Variants in DLGAP1 observed in about 807,000 individuals in gnomAD.
DLGAP1 encodes the protein DLG associated protein 1, also known as disks large-associated protein 1.
DLGAP1 carries 11 observed loss-of-function variants against 90.8 expected under a neutral mutation model. That is an observed-to-expected ratio of 0.12 (90% CI 0.08 to 0.20). The LOEUF is 0.20. Among genes scored for constraint, DLGAP1 ranks in the 10% least tolerant of loss-of-function variants. The probability of loss-of-function intolerance (pLI) is 1.00; values close to 1 mark genes in which losing one functional copy is unlikely to be tolerated. For synonymous variants in DLGAP1, 558 were observed against 540.7 expected, an observed-to-expected ratio of 1.03 and a Z score of -0.44; for missense variants, 1,050 against 1,333.8, an observed-to-expected ratio of 0.79 and a Z score of 3.31.
intron 7 of DLGAP1, among the ~76,000 whole-genome samples, chr18:3,617,787 C>G (rs535677820): frequency 4.6e-5 from 7 of 152,008 alleles, no homozygotes; most frequent in African/African-American, 1.5e-4. Context: ...GTAATCCCAG[C>G]ACTTTGGGAG....
rs1045632569 is a variant in DLGAP1 at position 4,439,946 on chromosome 18, G to A, written c.-267+15060C>T. On this transcript the variant is annotated intron_variant, in intron 1 of 12. Transcript: ENST00000315677. ...ATCCTGGCTAACACGGTGAAACCCC[G>A]TAGCTCTACTAAAAATACAAAAAAT... Among the ~76,000 whole-genome samples the A allele has an allele frequency of 1.1e-4, 16 of 151,598 alleles. 1 individual carries two copies. The highest frequency in any genetic ancestry group is 9.2e-4 in the Admixed American group (14 of 15,196).
In DLGAP1 at chr18:4,413,378, G is replaced by C. The variant is rs896273692; in HGVS notation, c.-267+41628C>G. Among the ~76,000 whole-genome samples the C allele has an allele frequency of 2.6e-5, 4 of 152,276 alleles. No homozygotes were observed. In the East Asian group the frequency reaches 7.7e-4, roughly 29 times the overall value. On this transcript the variant is annotated intron_variant, in intron 1 of 12. Coordinates refer to ENST00000315677, the MANE Select transcript of DLGAP1 (RefSeq NM_004746.4). The stretch of plus-strand genomic sequence containing the variant: ...TGCACCTCCTCCATCCCCTCTCCAA[G>C]AGAGAGATGGTCAAGGCCTGGCCCC...
At chr18:4,239,612 T>C (rs1355911030) in intron 1 of DLGAP1, among the ~76,000 whole-genome samples, 1 of 152,170 alleles carries the variant, frequency 6.6e-6, no homozygotes, top group African/African-American at 2.4e-5. Context: ...CCCACATTCA[T>C]GTGATATTCA....
intron 2 of DLGAP1, among the ~76,000 whole-genome samples, chr18:4,110,559 T>G (rs1176452668): frequency 6.6e-6 from 1 of 152,184 alleles, no homozygotes; most frequent in South Asian, 2.1e-4. Flanking sequence ...CAGGTCCCCA[T>G]AGTTTACTTT....
chr18:3,926,401 CATAT>C (rs35464708), intron 3 of DLGAP1, among the ~76,000 whole-genome samples: 4,556 of 145,658 alleles, frequency 0.031, 96 homozygotes, highest in South Asian at 0.081. Flanking sequence ...AAGCAAATGA[CATAT>C]ATATATATAT....
chr18:3,840,485 T>C (rs1262803027), intron 4 of DLGAP1, among the ~76,000 whole-genome samples: 3 of 152,216 alleles, frequency 2.0e-5, no homozygotes, highest in South Asian at 2.1e-4. Context: ...AGTCTCCCTC[T>C]GCTTCCTTCT....
At chr18:3,795,654 T>C (rs931169829) in intron 5 of DLGAP1, among the ~76,000 whole-genome samples, 18 of 152,158 alleles carry the variant, frequency 1.2e-4, no homozygotes, top group Non-Finnish European at 2.4e-4. Flanking sequence ...TTTATTTGTT[T>C]GTTTATTTTT....
chr18:3,540,469 C>CAAAAAAAAAAAAA (rs60740209), intron 9 of DLGAP1, among the ~76,000 whole-genome samples: 6 of 58,020 alleles, frequency 1.0e-4, no homozygotes, highest in African/African-American at 3.4e-4. Context: ...GGCCCTGTGT[C>CAAAAAAAAAAAAA]AAAAAAAAAA....
chr18:4,405,687 C>G (rs1025656020), intron 1 of DLGAP1, among the ~76,000 whole-genome samples: 2 of 152,100 alleles, frequency 1.3e-5, no homozygotes, highest in Non-Finnish European at 2.9e-5. Flanking sequence ...TGTTTCTCAC[C>G]TAACTGACTT....
At chr18:3,669,793 C>A (rs1180632485) in intron 7 of DLGAP1, among the ~76,000 whole-genome samples, 2 of 152,170 alleles carry the variant, frequency 1.3e-5, no homozygotes, top group Admixed American at 6.5e-5. Flanking sequence ...AAGGCAAGAA[C>A]CCGGATACAG....
chr18:4,401,273 G>A (rs2082548714), intron 1 of DLGAP1, among the ~76,000 whole-genome samples: 1 of 152,142 alleles, frequency 6.6e-6, no homozygotes, highest in Non-Finnish European at 1.5e-5. Context: ...CACAGACCCT[G>A]GTTGGATGAA....
At chr18:4,197,188 TAAAAAAAAAA>T (rs532844849) in intron 1 of DLGAP1, among the ~76,000 whole-genome samples, 2 of 73,750 alleles carry the variant, frequency 2.7e-5, no homozygotes, top group African/African-American at 1.0e-4. Flanking sequence ...TAAAAAAAAG[TAAAAAAAAAA>T]AAAAAAAAAA....
At chr18:3,742,659 A>G in intron 5 of DLGAP1, 147 bp from the exon 6 acceptor site, 1 of 909,422 alleles carries the variant, frequency 1.1e-6, no homozygotes. Flanking sequence ...ACTCCCCCAC[A>G]GTGTCTCAGA....
intron 9 of DLGAP1, among the ~76,000 whole-genome samples, chr18:3,560,626 T>G (rs1285614716): frequency 2.0e-5 from 3 of 149,612 alleles, no homozygotes; most frequent in African/African-American, 7.6e-5. Flanking sequence ...TATGTAAAAT[T>G]AAATGAGCAC....
At chr18:4,285,064 T>C (rs2079653428) in intron 1 of DLGAP1, among the ~76,000 whole-genome samples, 1 of 135,486 alleles carries the variant, frequency 7.4e-6, no homozygotes, top group South Asian at 2.8e-4. Flanking sequence ...GATAAAGTAA[T>C]AATTTCTACT....
intron 3 of DLGAP1, among the ~76,000 whole-genome samples, chr18:3,998,541 G>C (rs1005966828): frequency 6.6e-6 from 1 of 152,102 alleles, no homozygotes; most frequent in Admixed American, 6.6e-5. Context: ...AAAATGGTAT[G>C]TAGAGAACAT....
chr18:3,513,503 CATA>C (rs1290490327), intron 10 of DLGAP1, among the ~76,000 whole-genome samples: 5 of 152,142 alleles, frequency 3.3e-5, no homozygotes, highest in Admixed American at 2.6e-4. Flanking sequence ...GGGTGAGTGG[CATA>C]ATAAGTCAGT....
chr18:3,810,540 A>G (rs2066780549), intron 5 of DLGAP1, among the ~76,000 whole-genome samples: 2 of 152,140 alleles, frequency 1.3e-5, no homozygotes, highest in Admixed American at 6.5e-5. Flanking sequence ...GAAGGAGGGA[A>G]AAAAAAATCG....
At chr18:3,649,345 A>T (rs1308065101) in intron 7 of DLGAP1, among the ~76,000 whole-genome samples, 2 of 152,192 alleles carry the variant, frequency 1.3e-5, no homozygotes, top group Non-Finnish European at 2.9e-5. Context: ...CAGAAAGGTG[A>T]TCAGAGAGCT....
Sources: gnomAD v4.1 joint callset for allele counts (sites outside exome capture counted in the v4.1 genomes callset) on GRCh38, gnomAD v4.1.1 for gene constraint, MANE v1.5 for transcripts, NCBI Gene and HGNC (gene_info 2026-07-23, HGNC 2026-07-21) for gene names.